Variants in SLC6A13 observed in about 807,000 individuals in gnomAD.
SLC6A13 encodes sodium- and chloride-dependent GABA transporter 2.
A neutral mutation model predicts 72.9 loss-of-function variants in SLC6A13; 69 were observed. The ratio of observed to expected loss-of-function variants is 0.95; its 90% CI spans 0.78 to 1.16. The LOEUF (loss-of-function observed/expected upper bound fraction) is 1.16. Among genes scored for constraint, SLC6A13 ranks in the 50% most tolerant of loss-of-function variants. The pLI is 0.00. For missense variants in SLC6A13, 735 were observed against 760.5 expected (o/e 0.97, Z 0.39); for synonymous variants, 303 against 303.0 (o/e 1.00, Z 0.00).
intron 7 of SLC6A13, among the ~76,000 whole-genome samples, chr12:233,922 A>G: frequency 6.6e-6 from 1 of 152,154 alleles, no homozygotes; most frequent in East Asian, 1.9e-4. Context: ...GCTGAGACCC[A>G]CTGGGGCTGC....
In SLC6A13 at chr12:262,664, T is replaced by C. The variant is rs529326143; in HGVS notation, c.-6+125A>G. ...TAATCTTTGCATTTGCACACATACA[T>C]GTCAGAAGCGTACTTTCTAGGCGAG... is the stretch of plus-strand genomic sequence containing the variant. On this transcript the variant is annotated intron_variant, in intron 1 of 14. Transcript: ENST00000343164. 7.1e-6 allele frequency: 7 copies of C among 984,538 alleles called. No homozygotes were observed. The East Asian group carries it at 7.9e-4, about 112-fold the overall frequency. 61.0% of individuals were successfully genotyped at this position (984,538 alleles called of 1,614,324 possible).
chr12:221,149 T>A (rs570680), intron 14 of SLC6A13, 79 bp from the exon 15 acceptor site: 3 of 1,502,546 alleles, frequency 2.0e-6, no homozygotes, highest in South Asian at 1.3e-5. Flanking sequence ...CAACATCTGC[T>A]GCCTCCCCAC....
intron 2 of SLC6A13, among the ~76,000 whole-genome samples, chr12:249,049 T>C (rs954076943): frequency 1.3e-5 from 2 of 152,126 alleles, no homozygotes; most frequent in Admixed American, 6.5e-5. Flanking sequence ...ACTGAAGTAA[T>C]CAAAAGAGAA....
chr12:238,385 C>T (rs768571111), intron 4 of SLC6A13: 22 of 1,283,164 alleles, frequency 1.7e-5, no homozygotes, highest in East Asian at 5.4e-5. Flanking sequence ...TCAGAGTGGC[C>T]GAGAGCGCAG....
At chr12:222,098 A>G (rs1162716669) in intron 13 of SLC6A13, among the ~76,000 whole-genome samples, 1 of 152,214 alleles carries the variant, frequency 6.6e-6, no homozygotes, top group East Asian at 1.9e-4. Flanking sequence ...CATCTGTAAC[A>G]CCAGTGTAAC....
intron 4 of SLC6A13, among the ~76,000 whole-genome samples, chr12:242,115 C>A (rs968989525): frequency 6.6e-6 from 1 of 152,214 alleles, no homozygotes; most frequent in South Asian, 2.1e-4. Context: ...CAGAGTGTAC[C>A]CTTGTCATTA....
intron 14 of SLC6A13, 38 bp from the exon 15 acceptor site, chr12:221,108 C>T (rs946813153): frequency 2.0e-5 from 31 of 1,553,796 alleles, no homozygotes; most frequent in South Asian, 6.2e-5. Context: ...GGTGGTGGAG[C>T]GGGGGCAGGT....
At position 249,863 on chromosome 12, in the gene SLC6A13, A is replaced by G. The variant is rs1942475782; in HGVS notation, c.203-6050T>C. On this transcript the variant is annotated intron_variant, in intron 2 of 14. Transcript: ENST00000343164. ...AAATGCCAAAATTCTAAATGATTTTAGGAAATCAAATCTAACAATATGTTA... is the reference window on the plus strand; with the variant it reads ...AAATGCCAAAATTCTAAATGATTTTGGGAAATCAAATCTAACAATATGTTA... 1.3e-5 allele frequency among the ~76,000 whole-genome samples: 2 copies of G among 152,178 alleles called. 1 individual carries two copies.
chr12:258,866 A>G lies in SLC6A13; in HGVS notation c.202+985T>C, dbSNP rs988640476. 1.5e-5 allele frequency: 14 copies of G among 963,208 alleles called. No individual in the cohort carries two copies. The African/African-American group carries it at 1.9e-4, about 13-fold the overall frequency. 59.7% of individuals were successfully genotyped at this position (963,208 alleles called of 1,614,324 possible). A position where few individuals can be genotyped will look rare whatever the true frequency, so the allele number is the denominator to read the frequency against. ...CACATTTGTGCTGCGAAATTTTTAA[A>G]AAGAGAGCCTATACTAGAAGGGGCT... On this transcript the variant is annotated intron_variant, in intron 2 of 14. Coordinates refer to ENST00000343164, the MANE Select transcript of SLC6A13 (RefSeq NM_016615.5).
chr12:245,062 C>G (rs1427418372), intron 2 of SLC6A13, among the ~76,000 whole-genome samples: 1 of 152,208 alleles, frequency 6.6e-6, no homozygotes, highest in Admixed American at 6.5e-5. Context: ...GAAGACAGAA[C>G]TGCACAGACA....
At chr12:224,218 C>A (rs1941343892) in intron 10 of SLC6A13, 89 bp from the exon 11 acceptor site, 1 of 1,548,856 alleles carries the variant, frequency 6.5e-7, no homozygotes, top group Non-Finnish European at 8.8e-7. Flanking sequence ...CAGGATCAGC[C>A]CTGCCAGCCT....
chr12:235,631 A>T (rs1363617048), intron 6 of SLC6A13, among the ~76,000 whole-genome samples: 1 of 152,172 alleles, frequency 6.6e-6, no homozygotes, highest in Non-Finnish European at 1.5e-5. Flanking sequence ...GAACAATATG[A>T]AATCAGTGCA....
chr12:221,371 C>A lies in SLC6A13; in HGVS notation c.1686+5G>T. 1.3e-6 allele frequency: 2 copies of A among 1,585,772 alleles called. No individual in the cohort carries two copies. The highest frequency in any genetic ancestry group is 1.7e-6 in the Non-Finnish European group (2 of 1,166,016). On this transcript the variant is annotated splice_donor_5th_base_variant and intron_variant, in intron 14 of 14. Transcript: ENST00000343164. Reference sequence around the variant, plus strand: ...TGGCTGCTTTCCTGCCCGCAAAGGCCCTACCTCTCTGAAGGGGCCCTTGAG... The same window carrying A: ...TGGCTGCTTTCCTGCCCGCAAAGGCACTACCTCTCTGAAGGGGCCCTTGAG...
At chr12:234,788 G>A (rs1393214873) in intron 7 of SLC6A13, among the ~76,000 whole-genome samples, 1 of 152,180 alleles carries the variant, frequency 6.6e-6, no homozygotes, top group African/African-American at 2.4e-5. Flanking sequence ...AAAGTGCTGG[G>A]ATTACAGGCA....
chr12:230,257 A>G (rs1941655194), intron 7 of SLC6A13, among the ~76,000 whole-genome samples: 1 of 152,216 alleles, frequency 6.6e-6, no homozygotes, highest in African/African-American at 2.4e-5. Context: ...ACGCAGGTAA[A>G]AGAGGTCTTG....
intron 2 of SLC6A13, among the ~76,000 whole-genome samples, chr12:253,101 C>T (rs1240928287): frequency 6.6e-6 from 1 of 152,202 alleles, no homozygotes; most frequent in Non-Finnish European, 1.5e-5. Context: ...CCCATATCAT[C>T]CATACTAGTC....
At chr12:262,473 C>G (rs1052626450) in intron 1 of SLC6A13, among the ~76,000 whole-genome samples, 1 of 152,132 alleles carries the variant, frequency 6.6e-6, no homozygotes, top group African/African-American at 2.4e-5. Context: ...TCTTTCAGTC[C>G]TGTCAGAGTT....
intron 2 of SLC6A13, among the ~76,000 whole-genome samples, chr12:246,300 G>C (rs1466234452): frequency 6.6e-6 from 1 of 151,908 alleles, no homozygotes; most frequent in East Asian, 1.9e-4. Flanking sequence ...CCTGGCAACA[G>C]AGTGAGACTC....
At position 237,978 on chromosome 12, in the gene SLC6A13, A is replaced by G. The variant is rs775118483; in HGVS notation, c.511T>C (p.Ser171Pro). Residue 171 changes from serine (S) to proline (P), a missense_variant, in exon 5 of 15, where the codon TCC becomes CCC. Physicochemically the swap from Ser to Pro is moderately conservative, Grantham distance 74. Transcript: ENST00000343164. ...HCMEFQKTNG[S>P]LNGTSENATS... The stretch of plus-strand genomic sequence containing the variant: ...GCATTCTCAGAGGTACCATTCAGGG[A>G]GCCGTTGGTCTTCTGGAACTCCATA... The G allele has an allele frequency of 1.2e-6, 2 of 1,614,036 alleles. No homozygotes were observed.
Sources: allele counts gnomAD v4.1 joint callset (sites outside exome capture counted in the v4.1 genomes callset), GRCh38; gene constraint gnomAD v4.1.1; transcripts MANE v1.5; gene names NCBI Gene and HGNC (gene_info 2026-07-23, HGNC 2026-07-21).